SAMD8: variants seen among roughly 807,000 people sequenced by gnomAD.
SAMD8 encodes the protein sphingomyelin synthase-related protein 1.
In SAMD8, 20 loss-of-function variants were observed where a neutral mutation model predicts 42.0. The observed-to-expected ratio is 0.48, with a 90% CI of 0.34 to 0.69. SAMD8 has a LOEUF of 0.69. SAMD8 is among the 30% of genes least tolerant of loss of function. The pLI is 0.01. For missense variants in SAMD8, 328 were observed against 511.6 expected (o/e 0.64, Z 3.46); for synonymous variants, 162 against 173.0 (o/e 0.94, Z 0.50).
intron 1 of SAMD8, among the ~76,000 whole-genome samples, chr10:75,142,917 A>G (rs992013954): frequency 3.3e-5 from 5 of 152,206 alleles, no homozygotes; most frequent in Non-Finnish European, 7.3e-5. Context: ...TTTTCCCACA[A>G]TGTAATAATT....
At chr10:75,110,756 T>C (rs572271520), upstream of SAMD8, among the ~76,000 whole-genome samples, 93 of 152,248 alleles carry the variant, frequency 6.1e-4, no homozygotes, top group African/African-American at 1.0e-3. Flanking sequence ...CAGTTTGCAA[T>C]ATGTCAGGCA....
intron 1 of SAMD8, among the ~76,000 whole-genome samples, chr10:75,113,527 A>T (rs758311035): frequency 6.6e-6 from 1 of 152,072 alleles, no homozygotes; most frequent in African/African-American, 2.4e-5. Context: ...GTTAGCATCA[A>T]GCGTTTTCTA....
chr10:75,173,034 G>T (rs756178773), intron 4 of SAMD8, among the ~76,000 whole-genome samples: 1 of 152,074 alleles, frequency 6.6e-6, no homozygotes, highest in African/African-American at 2.4e-5. Flanking sequence ...CTGAGGAGAG[G>T]GATATCCGTG....
At chr10:75,153,857 C>T (rs1233100072) in intron 2 of SAMD8, among the ~76,000 whole-genome samples, 3 of 151,752 alleles carry the variant, frequency 2.0e-5, no homozygotes, top group African/African-American at 4.8e-5. Flanking sequence ...CTCTGCCTCC[C>T]GGGTTCAAGC....
chr10:75,124,335 A>G (rs1482049998), intron 1 of SAMD8, among the ~76,000 whole-genome samples: 3 of 152,162 alleles, frequency 2.0e-5, no homozygotes, highest in Admixed American at 6.6e-5. Context: ...GTCAGAGGCC[A>G]GGCACCATGG....
intron 1 of SAMD8, among the ~76,000 whole-genome samples, chr10:75,146,150 A>T (rs1840125361): frequency 1.3e-5 from 2 of 152,000 alleles, no homozygotes. Flanking sequence ...CAGGCCTCAC[A>T]TGAGTTTCCC....
At position 75,139,101 on chromosome 10, in the gene SAMD8, C is replaced by T. The variant is rs182795629; in HGVS notation, c.-15-11413C>T. Reference sequence around the variant, plus strand: ...TCAGCCTCCTGAGTAGCTGGAATTACAGGCATGCACCACCACGCCCGATTA... The same window carrying T: ...TCAGCCTCCTGAGTAGCTGGAATTATAGGCATGCACCACCACGCCCGATTA... On this transcript the variant is annotated intron_variant, in intron 1 of 5. Coordinates refer to ENST00000542569, the MANE Select transcript of SAMD8 (RefSeq NM_001174156.2). Among the ~76,000 whole-genome samples the T allele has an allele frequency of 9.2e-5, 14 of 151,896 alleles. No individual in the cohort carries two copies. The East Asian group carries it at 2.7e-3, about 29-fold the overall frequency.
upstream of SAMD8, among the ~76,000 whole-genome samples, chr10:75,110,982 A>G (rs1848753075): frequency 6.6e-6 from 1 of 151,830 alleles, no homozygotes; most frequent in Non-Finnish European, 1.5e-5. Context: ...CGCCCGGCTA[A>G]TTTTTGTATT....
At chr10:75,124,760 G>T (rs570339582) in intron 1 of SAMD8, among the ~76,000 whole-genome samples, 1 of 150,718 alleles carries the variant, frequency 6.6e-6, no homozygotes, top group Non-Finnish European at 1.5e-5. Context: ...ATTCCATCCT[G>T]TCTCACAATC....
chr10:75,108,424 T>C (rs1848652790), upstream of SAMD8: 1 of 822,250 alleles, frequency 1.2e-6, no homozygotes, highest in Admixed American at 3.3e-5. Context: ...GGGGGATCTT[T>C]AGACCCTCTT....
At chr10:75,135,210 T>C (rs1849364150) in intron 1 of SAMD8, among the ~76,000 whole-genome samples, 1 of 152,144 alleles carries the variant, frequency 6.6e-6, no homozygotes, top group Non-Finnish European at 1.5e-5. Context: ...CCCAGCACTT[T>C]GGGAGGCCGA....
chr10:75,142,093 A>G (rs1840029125), intron 1 of SAMD8, among the ~76,000 whole-genome samples: 2 of 151,760 alleles, frequency 1.3e-5, no homozygotes, highest in South Asian at 4.2e-4. Context: ...GATTGCAGGC[A>G]CCCACCACCA....
At chr10:75,155,368 G>A (rs1287245166) in intron 2 of SAMD8, among the ~76,000 whole-genome samples, 1 of 151,962 alleles carries the variant, frequency 6.6e-6, no homozygotes, top group Non-Finnish European at 1.5e-5. Flanking sequence ...GGAAATATGA[G>A]CAGAAGTTCA....
Position 75,176,508 on chromosome 10 carries a change from TAAC to T in SAMD8, c.1070_1072del (p.Thr357del). On this transcript the variant is annotated inframe_deletion, in exon 6 of 6. Transcript: ENST00000542569. This position sits in a 1 kb window ranked among gnomAD's most constrained non-coding sequence, Gnocchi z 4.3. ...ATTGATGTGTTTATTGCTTTTTATA[TAAC>T]AACAAGACTCTTTTTGTACTACCAT... The T allele has an allele frequency of 6.4e-7, 1 of 1,550,656 alleles. No individual in the cohort carries two copies. The highest frequency in any genetic ancestry group is 8.7e-7 in the Non-Finnish European group (1 of 1,146,942).
chr10:75,105,944 C>A, intron 1 of SAMD8: 5 of 1,372,434 alleles, frequency 3.6e-6, no homozygotes, highest in Non-Finnish European at 5.0e-6. Context: ...GACCCAAGTT[C>A]CTTTCCTGAC....
intron 1 of SAMD8, among the ~76,000 whole-genome samples, chr10:75,142,088 C>T (rs531805758): frequency 1.1e-4 from 16 of 152,070 alleles, no homozygotes; most frequent in African/African-American, 3.9e-4. Flanking sequence ...CCTGGGATTG[C>T]AGGCACCCAC....
At chr10:75,130,199 T>TAA (rs897179442) in intron 1 of SAMD8, among the ~76,000 whole-genome samples, 2 of 150,690 alleles carry the variant, frequency 1.3e-5, no homozygotes, top group Non-Finnish European at 3.0e-5. Context: ...TATGAATGCT[T>TAA]AAAAAAAAAC....
At chr10:75,161,526 C>T (rs772389171) in intron 2 of SAMD8, among the ~76,000 whole-genome samples, 2 of 150,616 alleles carry the variant, frequency 1.3e-5, no homozygotes, top group East Asian at 1.9e-4. Context: ...AGAAACCAGA[C>T]GTCTGAGAAA....
intron 1 of SAMD8, among the ~76,000 whole-genome samples, chr10:75,142,360 T>C (rs766775825): frequency 9.2e-5 from 14 of 152,224 alleles, no homozygotes; most frequent in Non-Finnish European, 2.1e-4. Context: ...TTTCCATTTC[T>C]CCCAACCTTT....
Sources: gnomAD v4.1 joint callset for allele counts (sites outside exome capture counted in the v4.1 genomes callset) on GRCh38, gnomAD v4.1.1 for gene constraint, Gnocchi (gnomAD v3.1) non-coding constraint, MANE v1.5 for transcripts, NCBI Gene and HGNC (gene_info 2026-07-23, HGNC 2026-07-21) for gene names.